REEP3: variants seen among roughly 807,000 people sequenced by gnomAD.
REEP3 encodes the protein receptor accessory protein 3.
Under a neutral mutation model 41.3 loss-of-function variants are expected in REEP3, and 20 were observed. The observed-to-expected ratio is 0.48, with a 90% CI of 0.34 to 0.70. The LOEUF (loss-of-function observed/expected upper bound fraction) is 0.70, where lower values mean the gene tolerates loss of function less well. Among genes scored for constraint, REEP3 ranks in the 30% least tolerant of loss-of-function variants. The probability of loss-of-function intolerance (pLI) is 0.01; values close to 1 mark genes in which losing one functional copy is unlikely to be tolerated. For missense variants in REEP3, 271 were observed against 308.8 expected, an observed-to-expected ratio of 0.88 and a Z score of 0.92; for synonymous variants, 104 against 101.8, an observed-to-expected ratio of 1.02 and a Z score of -0.13.
chr10:63,597,758 T>A (rs528185119), intron 3 of REEP3, among the ~76,000 whole-genome samples: 1 of 151,674 alleles, frequency 6.6e-6, no homozygotes, highest in African/African-American at 2.4e-5. Flanking sequence ...ACTAAAAATA[T>A]GAAAATTAGC....
chr10:63,551,610 G>A (rs1955629536), intron 1 of REEP3, among the ~76,000 whole-genome samples: 1 of 152,098 alleles, frequency 6.6e-6, no homozygotes, highest in South Asian at 2.1e-4. Context: ...GTCTAATCTT[G>A]AGAAAAATTT....
At chr10:63,561,740 C>T (rs1180582765) in intron 1 of REEP3, among the ~76,000 whole-genome samples, 1 of 152,106 alleles carries the variant, frequency 6.6e-6, no homozygotes, top group Non-Finnish European at 1.5e-5. Flanking sequence ...GAAAATAAAA[C>T]AAGAGAATGG....
At chr10:63,550,040 A>G (rs1033391316) in intron 1 of REEP3, among the ~76,000 whole-genome samples, 3 of 152,242 alleles carry the variant, frequency 2.0e-5, no homozygotes, top group Non-Finnish European at 2.9e-5. Context: ...TGTATTAGAA[A>G]GATTTATCTG....
intron 1 of REEP3, among the ~76,000 whole-genome samples, chr10:63,529,152 CAATT>C (rs1272138166): frequency 6.6e-6 from 1 of 152,094 alleles, no homozygotes; most frequent in African/African-American, 2.4e-5. Flanking sequence ...GCTTATTTCA[CAATT>C]AATTTTTCTC....
At chr10:63,604,414 G>A (rs967923541) in intron 5 of REEP3, among the ~76,000 whole-genome samples, 2 of 152,210 alleles carry the variant, frequency 1.3e-5, no homozygotes, top group African/African-American at 2.4e-5. Context: ...ATGAAGAAAA[G>A]TACTGTTAGT....
At chr10:63,614,883 A>G (rs1231606532) in intron 6 of REEP3, among the ~76,000 whole-genome samples, 1 of 152,236 alleles carries the variant, frequency 6.6e-6, no homozygotes, top group African/African-American at 2.4e-5. Context: ...AACTTTTAAG[A>G]ATATGTCATA....
chr10:63,541,224 A>G (rs1955525677), intron 1 of REEP3, among the ~76,000 whole-genome samples: 1 of 152,200 alleles, frequency 6.6e-6, no homozygotes, highest in African/African-American at 2.4e-5. Context: ...TTTCATATCA[A>G]CCATGATTAA....
Position 63,521,565 on chromosome 10 carries a change from C to G in REEP3, c.20C>G (p.Ser7Cys). The change falls in exon 1 of 8, where the codon TCC becomes TGC. Residue 7 changes from serine to cysteine, a missense_variant. Coordinates refer to ENST00000373758, the MANE Select transcript of REEP3 (RefSeq NM_001001330.3). ...GTGAAGATGGTGTCCTGGATGATCT[C>G]CAGAGCCGTGGTGTAAGTGCCTCTC... MVSWMI[S>C]RAVVLVFGML... is the part of the protein sequence containing the mutation. 7.0e-7 allele frequency: 1 copy of G among 1,428,266 alleles called. No individual in the cohort carries two copies. Among genetic ancestry groups the G allele is most frequent in the South Asian group, 1.5e-5 (1 of 68,756 alleles). 88.5% of individuals were successfully genotyped at this position (1,428,266 alleles called of 1,614,324 possible). A position where few individuals can be genotyped will look rare whatever the true frequency, so the allele number is the denominator to read the frequency against.
In REEP3 at chr10:63,621,101, A is replaced by G; in HGVS notation, c.*232A>G. The G allele has an allele frequency of 2.7e-6, 1 of 366,268 alleles. No individual in the cohort carries two copies. The highest frequency in any genetic ancestry group is 5.0e-5 in the South Asian group (1 of 20,170). 22.7% of individuals were successfully genotyped at this position (366,268 alleles called of 1,614,324 possible). A position where few individuals can be genotyped will look rare whatever the true frequency, so the allele number is the denominator to read the frequency against. On this transcript the variant is annotated 3_prime_UTR_variant, in exon 8 of 8. Coordinates refer to ENST00000373758, the MANE Select transcript of REEP3 (RefSeq NM_001001330.3). ...TAAATATGTATATTAGAAATTATAGAAAATCATGTTGTCCGTTTTCAAATT... is the reference window on the plus strand; with the variant it reads ...TAAATATGTATATTAGAAATTATAGGAAATCATGTTGTCCGTTTTCAAATT...
In REEP3 at chr10:63,564,572, G is replaced by A. The variant is rs574591572; in HGVS notation, c.33-1766G>A. On this transcript the variant is annotated intron_variant, in intron 1 of 7. Coordinates refer to ENST00000373758, the MANE Select transcript of REEP3 (RefSeq NM_001001330.3). The stretch of plus-strand genomic sequence containing the variant: ...TGGGAGACGGAGGCTGCAGTGAGCC[G>A]ATGTCACACCACTGCACTCCAGTCT... Among the ~76,000 whole-genome samples, 4 of 151,662 alleles carry A rather than the reference G, an allele frequency of 2.6e-5. No individual in the cohort carries two copies. In the East Asian group the frequency reaches 5.8e-4, roughly 22 times the overall value.
rs181139001 is a variant in REEP3, at chr10:63,575,628, A to C, written c.105+9218A>C. Among the ~76,000 whole-genome samples the C allele has an allele frequency of 2.6e-3, 401 of 151,342 alleles. 3 individuals carry two copies. Among genetic ancestry groups the C allele is most frequent in the African/African-American group, 9.5e-3 (392 of 41,176 alleles). ...GTTCTACTTTCTGATTGAGTTTCTCAGTTTTATCTTCTAACCCTTCAATGG... is the reference window on the plus strand; with the variant it reads ...GTTCTACTTTCTGATTGAGTTTCTCCGTTTTATCTTCTAACCCTTCAATGG... On this transcript the variant is annotated intron_variant, in intron 2 of 7. Coordinates refer to ENST00000373758, the MANE Select transcript of REEP3 (RefSeq NM_001001330.3).
chr10:63,581,750 A>G (rs1359049539), intron 2 of REEP3, among the ~76,000 whole-genome samples: 1 of 152,112 alleles, frequency 6.6e-6, no homozygotes, highest in African/African-American at 2.4e-5. Context: ...ATTTAAAAAA[A>G]AAAAAAACTC....
intron 6 of REEP3, among the ~76,000 whole-genome samples, chr10:63,618,371 G>A (rs915460869): frequency 1.8e-4 from 26 of 147,584 alleles, no homozygotes; most frequent in Non-Finnish European, 3.7e-4. Context: ...CCAGCTTCCC[G>A]AGTAGCTGGG....
At chr10:63,569,666 G>A (rs952393708) in intron 2 of REEP3, among the ~76,000 whole-genome samples, 2 of 152,168 alleles carry the variant, frequency 1.3e-5, no homozygotes, top group Admixed American at 6.5e-5. Flanking sequence ...GCTTGGCCAC[G>A]TGCAGTGGCT....
chr10:63,575,650 A>G (rs940923775), intron 2 of REEP3, among the ~76,000 whole-genome samples: 1 of 151,852 alleles, frequency 6.6e-6, no homozygotes, highest in African/African-American at 2.4e-5. Context: ...TAACCCTTCA[A>G]TGGATCTTTT....
intron 1 of REEP3, among the ~76,000 whole-genome samples, chr10:63,522,626 T>C (rs956075603): frequency 1.3e-5 from 2 of 152,174 alleles, no homozygotes; most frequent in African/African-American, 4.8e-5. Flanking sequence ...TCTGATAAGC[T>C]TTAGAATTTA....
chr10:63,579,856 C>G (rs1163514213), intron 2 of REEP3, among the ~76,000 whole-genome samples: 1 of 152,006 alleles, frequency 6.6e-6, no homozygotes, highest in Admixed American at 6.6e-5. Flanking sequence ...TAGTTTAAAA[C>G]CATAAAAGCT....
rs60910642 is a variant in REEP3 at position 63,617,812 on chromosome 10, CTTTTT to C, written c.566-1820_566-1816del. Reference sequence around the variant, plus strand: ...TCCTAAGCCTGGAAATCCTTCTACTCTTTTTTTTTTTTTTTTTTTTTTTTTTTAAA... The same window carrying C: ...TCCTAAGCCTGGAAATCCTTCTACTCTTTTTTTTTTTTTTTTTTTTTTAAA... On this transcript the variant is annotated intron_variant, in intron 6 of 7. Coordinates refer to ENST00000373758, the MANE Select transcript of REEP3 (RefSeq NM_001001330.3). Among the ~76,000 whole-genome samples, 119 of 83,550 alleles carry C rather than the reference CTTTTT, an allele frequency of 1.4e-3. 1 individual carries two copies. Among genetic ancestry groups the C allele is most frequent in the African/African-American group, 5.0e-3 (114 of 22,650 alleles). 54.8% of individuals were successfully genotyped at this position (83,550 alleles called of 152,430 possible).
In REEP3 at chr10:63,569,267, T is replaced by C. The variant is rs188068150; in HGVS notation, c.105+2857T>C. Reference sequence around the variant, plus strand: ...CCATTTCCCTATTTGGAATGTTTTTTATATTGTTATTAAATTAGATCTTTT... The same window carrying C: ...CCATTTCCCTATTTGGAATGTTTTTCATATTGTTATTAAATTAGATCTTTT... On this transcript the variant is annotated intron_variant, in intron 2 of 7. Transcript: ENST00000373758. 1.4e-4 allele frequency among the ~76,000 whole-genome samples: 21 copies of C among 152,336 alleles called. No individual in the cohort carries two copies. In the East Asian group the frequency reaches 3.1e-3, roughly 22 times the overall value.
Sources: allele counts gnomAD v4.1 joint callset (sites outside exome capture counted in the v4.1 genomes callset), GRCh38; gene constraint gnomAD v4.1.1; transcripts MANE v1.5; gene names NCBI Gene and HGNC (gene_info 2026-07-23, HGNC 2026-07-21).